Variants in KCNJ16 observed in about 807,000 individuals in gnomAD.
KCNJ16 encodes inward rectifier potassium channel 16.
Under a neutral mutation model 18.5 loss-of-function variants are expected in KCNJ16, and 15 were observed. The ratio of observed to expected loss-of-function variants is 0.81; its 90% CI spans 0.54 to 1.25. KCNJ16 has a LOEUF of 1.25. KCNJ16 is among the 50% of genes most tolerant of loss of function. The pLI, the probability that KCNJ16 is intolerant of heterozygous loss-of-function variation, is 0.00. For missense variants in KCNJ16, 523 were observed against 525.7 expected (o/e 0.99, Z 0.05); for synonymous variants, 174 against 186.5 (o/e 0.93, Z 0.55).
rs981466965 is a variant in KCNJ16, at chr17:70,130,962, G to A, written c.-107G>A. On this transcript the variant is annotated 5_prime_UTR_variant, in exon 3 of 4. The change abolishes an upstream ATG in the 5' untranslated region. Transcript: ENST00000392671. ...GAAATCCTTTGGCCTATTATACCAT[G>A]GATGCTAAAAATGGTAAGAGCTGCA... The A allele has an allele frequency of 3.3e-6, 5 of 1,535,326 alleles. No individual in the cohort carries two copies. The African/African-American group carries it at 6.9e-5, about 21-fold the overall frequency.
At chr17:70,076,892 C>T (rs2071336428) in intron 1 of KCNJ16, among the ~76,000 whole-genome samples, 1 of 152,164 alleles carries the variant, frequency 6.6e-6, no homozygotes, top group South Asian at 2.1e-4. Flanking sequence ...ACCACTTGTC[C>T]TCATACAAGA....
chr17:70,081,477 A>G (rs895888978), intron 1 of KCNJ16, among the ~76,000 whole-genome samples: 4 of 152,226 alleles, frequency 2.6e-5, no homozygotes, highest in Non-Finnish European at 5.9e-5. Flanking sequence ...TCACAGACAG[A>G]CCCAAACAAA....
intron 2 of KCNJ16, among the ~76,000 whole-genome samples, chr17:70,124,898 T>TTGTGTGTGTGTG (rs71149824): frequency 0.37 from 55,529 of 151,036 alleles, 10,157 homozygotes; most frequent in East Asian, 0.51. Context: ...GGGTGTGTGT[T>TTGTGTGTGTGTG]TGTGTGTGTG....
At chr17:70,125,798 G>T (rs1319039121) in intron 2 of KCNJ16, among the ~76,000 whole-genome samples, 1 of 152,064 alleles carries the variant, frequency 6.6e-6, no homozygotes, top group Non-Finnish European at 1.5e-5. Flanking sequence ...TGGGCGTGCT[G>T]GCAGGCACTT....
At position 70,132,258 on chromosome 17, in the gene KCNJ16, T is replaced by C; in HGVS notation, c.171T>C (p.Tyr57=). 6 of 1,614,262 alleles carry C rather than the reference T, an allele frequency of 3.7e-6. No homozygotes were observed. Among genetic ancestry groups the C allele is most frequent in the Non-Finnish European group, 5.1e-6 (6 of 1,180,038 alleles). The change falls in exon 4 of 4, where the codon TAT becomes TAC. Residue 57 remains tyrosine (Y), a synonymous_variant. Coordinates refer to ENST00000392671, the MANE Select transcript of KCNJ16 (RefSeq NM_170741.4). ...ACATTTTTGGAGAATGGGGAAGCTATGTGGTTGACATCTTCACCACTCTTG... is the reference window on the plus strand; with the variant it reads ...ACATTTTTGGAGAATGGGGAAGCTACGTGGTTGACATCTTCACCACTCTTG... The part of the protein sequence containing the change: ...FKHIFGEWGS[Y]VVDIFTTLVD...
At chr17:70,115,695 T>C (rs980379040) in intron 2 of KCNJ16, among the ~76,000 whole-genome samples, 2 of 152,168 alleles carry the variant, frequency 1.3e-5, no homozygotes, top group Admixed American at 1.3e-4. Context: ...ATCCCTGATT[T>C]GTTACCCACT....
At chr17:70,104,111 T>C (rs2143889621) in intron 2 of KCNJ16, among the ~76,000 whole-genome samples, 1 of 151,990 alleles carries the variant, frequency 6.6e-6, no homozygotes, top group East Asian at 1.9e-4. Context: ...TACAGGCACA[T>C]GCTACTGTGC....
At chr17:70,109,463 A>G (rs1178417093) in intron 2 of KCNJ16, among the ~76,000 whole-genome samples, 1 of 152,048 alleles carries the variant, frequency 6.6e-6, no homozygotes, top group Non-Finnish European at 1.5e-5. Flanking sequence ...TTTTTGCCAT[A>G]CCTATTTGAT....
intron 1 of KCNJ16, among the ~76,000 whole-genome samples, chr17:70,078,806 A>C (rs9913785): frequency 0.85 from 129,995 of 152,144 alleles, 55,650 homozygotes; most frequent in East Asian, 0.99. Context: ...TTAGCACACC[A>C]ACCAATCACA....
At chr17:70,090,202 T>G (rs1342276413) in intron 1 of KCNJ16, among the ~76,000 whole-genome samples, 1 of 152,240 alleles carries the variant, frequency 6.6e-6, no homozygotes, top group Non-Finnish European at 1.5e-5. Context: ...GTGGTGATTT[T>G]GTGATTGAAT....
rs752264476 is a variant in KCNJ16, at chr17:70,133,213, G to T, written c.1126G>T (p.Ala376Ser). Reference protein sequence around the residue: ...DTKARRRSFSAVAIVSSCENP... With the variant: ...DTKARRRSFSSVAIVSSCENP... ...CAAGGCGAGACGAAGGTCATTTAGTGCAGTTGCCATTGTCAGCAGCTGTGA... is the reference window on the plus strand; with the variant it reads ...CAAGGCGAGACGAAGGTCATTTAGTTCAGTTGCCATTGTCAGCAGCTGTGA... The change falls in exon 4 of 4, where the codon GCA (alanine) becomes TCA (serine). Residue 376 changes from alanine to serine, a missense_variant. Coordinates refer to ENST00000392671, the MANE Select transcript of KCNJ16 (RefSeq NM_170741.4). 6.2e-7 allele frequency: 1 copy of T among 1,614,212 alleles called. No homozygotes were observed. Among genetic ancestry groups the T allele is most frequent in the Non-Finnish European group, 8.5e-7 (1 of 1,180,032 alleles).
chr17:70,116,673 A>C (rs1417244402), intron 2 of KCNJ16, among the ~76,000 whole-genome samples: 1 of 152,202 alleles, frequency 6.6e-6, no homozygotes, highest in East Asian at 1.9e-4. Context: ...TCAAAAGAAG[A>C]CATACAAGCA....
chr17:70,129,417 A>G (rs2073979678), intron 2 of KCNJ16, among the ~76,000 whole-genome samples: 1 of 152,256 alleles, frequency 6.6e-6, no homozygotes, highest in South Asian at 2.1e-4. Context: ...TAAATATTTC[A>G]TCTAGTTAGT....
chr17:70,092,767 A>G (rs143916906), intron 1 of KCNJ16, among the ~76,000 whole-genome samples: 1 of 152,316 alleles, frequency 6.6e-6, no homozygotes, highest in Non-Finnish European at 1.5e-5. Context: ...AATTTTATTT[A>G]AAGTCCAAAG....
intron 1 of KCNJ16, among the ~76,000 whole-genome samples, chr17:70,085,860 CAAT>C: frequency 6.6e-6 from 1 of 151,922 alleles, no homozygotes; most frequent in East Asian, 1.9e-4. Context: ...CCCTCAAAAT[CAAT>C]AAATACAAAC....
Position 70,105,874 on chromosome 17 carries a change from T to C in KCNJ16, c.-191+5108T>C, listed in dbSNP as rs377539663. On this transcript the variant is annotated intron_variant, in intron 2 of 3. Coordinates refer to ENST00000392671, the MANE Select transcript of KCNJ16 (RefSeq NM_170741.4). ...TCCATGTGAAAATTCTAAGACAGTA[T>C]AGATGCCTGGCCATGGGTTTAGCCA... 7.9e-5 allele frequency among the ~76,000 whole-genome samples: 12 copies of C among 152,342 alleles called. No individual in the cohort carries two copies. The South Asian group carries it at 2.5e-3, about 32-fold the overall frequency.
At chr17:70,086,147 T>C (rs1429182870) in intron 1 of KCNJ16, among the ~76,000 whole-genome samples, 1 of 152,158 alleles carries the variant, frequency 6.6e-6, no homozygotes, top group Non-Finnish European at 1.5e-5. Context: ...ATTATACAAA[T>C]ATTGATTTGT....
At chr17:70,088,840 G>A (rs1040115594) in intron 1 of KCNJ16, among the ~76,000 whole-genome samples, 1 of 151,936 alleles carries the variant, frequency 6.6e-6, no homozygotes, top group Non-Finnish European at 1.5e-5. Context: ...TTTGCCTAGT[G>A]GCCGATTTTA....
intron 1 of KCNJ16, among the ~76,000 whole-genome samples, chr17:70,098,591 G>A (rs1439643551): frequency 6.7e-6 from 1 of 148,412 alleles, no homozygotes; most frequent in African/African-American, 2.5e-5. Context: ...TATTACGTGT[G>A]TGTGTGCATA....
Sources: allele counts gnomAD v4.1 joint callset (sites outside exome capture counted in the v4.1 genomes callset), GRCh38; gene constraint gnomAD v4.1.1; transcripts MANE v1.5; gene names NCBI Gene and HGNC (gene_info 2026-07-23, HGNC 2026-07-21).